Variants in TANC2 observed in about 807,000 individuals in gnomAD.
TANC2 encodes the protein tetratricopeptide repeat, ankyrin repeat and coiled-coil containing 2.
TANC2 carries 26 observed loss-of-function variants against 210.5 expected under a neutral mutation model. That is an observed-to-expected ratio of 0.12 (90% confidence interval 0.09 to 0.17). The LOEUF (loss-of-function observed/expected upper bound fraction) is 0.17. Ranked by LOEUF, TANC2 falls within the 10% of genes least tolerant of loss-of-function variation. TANC2 has a pLI of 1.00. For missense variants in TANC2, 2,129 were observed against 2,608.9 expected (o/e 0.82, Z 4.01); for synonymous variants, 931 against 967.1 (o/e 0.96, Z 0.69).
At chr17:63,106,844 C>T (rs1489728177) in intron 4 of TANC2, among the ~76,000 whole-genome samples, 1 of 151,538 alleles carries the variant, frequency 6.6e-6, no homozygotes, top group Non-Finnish European at 1.5e-5. Context: ...GAATGGAAGT[C>T]ACTCATACAA....
chr17:63,142,217 G>A (rs905528947), intron 4 of TANC2, among the ~76,000 whole-genome samples: 1 of 152,186 alleles, frequency 6.6e-6, no homozygotes, highest in Non-Finnish European at 1.5e-5. Context: ...CACCAGTGGT[G>A]ACAACTGAGA....
At chr17:63,340,276 A>G in exon 12 of TANC2, 1 of 1,613,734 alleles carries the variant, frequency 6.2e-7, no homozygotes, top group Non-Finnish European at 8.5e-7. Context: ...TGTGTTCAAG[A>G]CCCCATGGCC....
chr17:63,408,416 CT>C (rs1343144277), intron 21 of TANC2, among the ~76,000 whole-genome samples: 2 of 152,178 alleles, frequency 1.3e-5, no homozygotes, highest in African/African-American at 4.8e-5. Context: ...TGTGTATCTC[CT>C]TTTAATTTCT....
chr17:63,401,749 C>T (rs1183179738), intron 19 of TANC2, among the ~76,000 whole-genome samples: 2 of 152,174 alleles, frequency 1.3e-5, no homozygotes, highest in African/African-American at 4.8e-5. Context: ...GTTCACCACA[C>T]CCTCCTCTCC....
In TANC2 at chr17:62,998,665, T is replaced by C. The variant is rs532986255; in HGVS notation, c.-23-10872T>C. The stretch of plus-strand genomic sequence containing the variant: ...ATGTAGCCAAACTAAGCTTCATAAG[T>C]GAAGGAGAAATAAGATCCTTTGCAG... On this transcript the variant is annotated intron_variant, in intron 1 of 27. Coordinates refer to ENST00000689528, the Ensembl canonical transcript of TANC2. 2.6e-5 allele frequency among the ~76,000 whole-genome samples: 4 copies of C among 152,262 alleles called. No individual in the cohort carries two copies. In the South Asian group the frequency reaches 8.3e-4, roughly 32 times the overall value.
chr17:63,405,232 A>T (rs769797251), exon 20 of TANC2: 2 of 1,597,546 alleles, frequency 1.3e-6, no homozygotes, highest in South Asian at 2.3e-5. Context: ...ACTATTCAGC[A>T]CAGTGCGCCA....
intron 9 of TANC2, among the ~76,000 whole-genome samples, chr17:63,311,307 T>C (rs986265054): frequency 1.3e-5 from 2 of 152,160 alleles, no homozygotes; most frequent in Non-Finnish European, 2.9e-5. Flanking sequence ...AAAATGATAA[T>C]ATAGATTTAT....
chr17:63,299,163 A>G (rs928353860), intron 9 of TANC2, among the ~76,000 whole-genome samples: 18 of 152,116 alleles, frequency 1.2e-4, no homozygotes, highest in Admixed American at 1.0e-3. Context: ...TTATTTATCA[A>G]GTCTATCATT....
intron 26 of TANC2, among the ~76,000 whole-genome samples, chr17:63,416,591 A>G (rs1350594584): frequency 6.6e-6 from 1 of 152,236 alleles, no homozygotes; most frequent in Non-Finnish European, 1.5e-5. Context: ...AACCTGAGTT[A>G]AACCTGACTG....
chr17:63,210,449 G>A (rs2041850422), intron 7 of TANC2, among the ~76,000 whole-genome samples: 1 of 152,104 alleles, frequency 6.6e-6, no homozygotes, highest in Admixed American at 6.5e-5. Context: ...ACACTTATGA[G>A]ACTCATTGCC....
At chr17:63,377,828 A>C (rs2047474589) in intron 14 of TANC2, among the ~76,000 whole-genome samples, 1 of 152,208 alleles carries the variant, frequency 6.6e-6, no homozygotes, top group Non-Finnish European at 1.5e-5. Flanking sequence ...TCGTTGACTC[A>C]CATGGCTGGG....
chr17:63,092,523 A>G (rs2037236217), intron 3 of TANC2, among the ~76,000 whole-genome samples: 1 of 152,056 alleles, frequency 6.6e-6, no homozygotes, highest in Admixed American at 6.6e-5. Flanking sequence ...TGGGTAGTAT[A>G]TAAAGAAAAG....
At chr17:63,222,247 C>T (rs973077752) in intron 7 of TANC2, among the ~76,000 whole-genome samples, 1 of 152,104 alleles carries the variant, frequency 6.6e-6, no homozygotes, top group Non-Finnish European at 1.5e-5. Flanking sequence ...CCTCCTAATA[C>T]CATCACCTTG....
chr17:63,267,129 C>T (rs954560698), intron 8 of TANC2, among the ~76,000 whole-genome samples: 1 of 152,150 alleles, frequency 6.6e-6, no homozygotes, highest in Non-Finnish European at 1.5e-5. Context: ...CCTGGGATTA[C>T]TAGCATGAAC....
rs145938747 is a variant in TANC2 at position 63,158,537 on chromosome 17, A to G, written c.433+7157A>G. Reference sequence around the variant, plus strand: ...CTGGAATTCTGTATCTGATGTTTCCACTGCCATCCTTTACCTCTAAGTCAC... The same window carrying G: ...CTGGAATTCTGTATCTGATGTTTCCGCTGCCATCCTTTACCTCTAAGTCAC... On this transcript the variant is annotated intron_variant, in intron 5 of 27. Transcript: ENST00000689528. Among the ~76,000 whole-genome samples, 45 of 152,336 alleles carry G rather than the reference A, an allele frequency of 3.0e-4. 1 individual carries two copies. The East Asian group carries it at 8.1e-3, about 27-fold the overall frequency.
intron 1 of TANC2, among the ~76,000 whole-genome samples, chr17:62,991,851 A>G (rs180783011): frequency 9.2e-5 from 14 of 152,234 alleles, no homozygotes; most frequent in Admixed American, 2.6e-4. Flanking sequence ...CTTGATTTTC[A>G]TCTCATTTAT....
At chr17:63,396,004 C>A in intron 18 of TANC2, 76 bp downstream of exon 18, 1 of 1,394,470 alleles carries the variant, frequency 7.2e-7, no homozygotes, top group Non-Finnish European at 9.6e-7. Context: ...AAAGATTGCA[C>A]GAAGACAAAA....
intron 1 of TANC2, among the ~76,000 whole-genome samples, chr17:62,996,178 G>C (rs916629631): frequency 2.0e-5 from 3 of 152,128 alleles, no homozygotes; most frequent in African/African-American, 7.2e-5. Flanking sequence ...ATTCATGCTA[G>C]ATTTGTGTTT....
chr17:63,413,688 T>C (rs2048775261), intron 25 of TANC2, 54 bp downstream of exon 25: 3 of 1,454,638 alleles, frequency 2.1e-6, no homozygotes, highest in South Asian at 1.2e-5. Flanking sequence ...CTGTTTTCCA[T>C]GTGTAGAATC....
Sources: allele counts gnomAD v4.1 joint callset (sites outside exome capture counted in the v4.1 genomes callset), GRCh38; gene constraint gnomAD v4.1.1; transcripts MANE v1.5; gene names NCBI Gene and HGNC (gene_info 2026-07-23, HGNC 2026-07-21).